Variants in LILRB2 observed in about 807,000 individuals in gnomAD.
LILRB2 encodes the protein leukocyte immunoglobulin-like receptor subfamily B member 2.
In LILRB2, 47 loss-of-function variants were observed where a neutral mutation model predicts 72.7. That is an observed-to-expected ratio of 0.65 (90% confidence interval 0.51 to 0.82). LILRB2 has a LOEUF of 0.82. LILRB2 is among the 40% of genes least tolerant of loss of function. The probability of loss-of-function intolerance (pLI) is 0.00; values close to 1 mark genes in which losing one functional copy is unlikely to be tolerated. For synonymous variants in LILRB2, 279 were observed against 313.7 expected, an observed-to-expected ratio of 0.89 and a Z score of 1.17; for missense variants, 767 against 764.8, an observed-to-expected ratio of 1.00 and a Z score of -0.03.
At chr19:54,275,763 A>T (rs1342406941) in intron 13 of LILRB2, 188 bp downstream of exon 13, 1 of 806,802 alleles carries the variant, frequency 1.2e-6, no homozygotes, top group African/African-American at 1.7e-5. Flanking sequence ...GGGACCCGGG[A>T]GGAGGCCCAC....
Position 54,279,497 on chromosome 19 carries a change from G to A in LILRB2, c.506C>T (p.Ser169Phe). 6.2e-7 allele frequency: 1 copy of A among 1,614,170 alleles called. No individual in the cohort carries two copies. The change falls in exon 5 of 14, where the codon TCC becomes TTC. Residue 169 changes from serine to phenylalanine, a missense_variant. Coordinates refer to ENST00000314446, the MANE Select transcript of LILRB2 (RefSeq NM_001080978.4). ...GGACGACCCACGGGCATGGGGCTGG[G>A]AGTTCAGGCATTGTGGGTGTTCATC... is the stretch of plus-strand genomic sequence containing the variant. ...GEDEHPQCLN[S>F]QPHARGSSRA...
intron 2 of LILRB2, 66 bp downstream of exon 2, chr19:54,280,397 C>T: frequency 3.7e-6 from 6 of 1,614,082 alleles, no homozygotes; most frequent in South Asian, 2.2e-5. Context: ...TCCTTAGGGA[C>T]CAGAGTTTGG....
intron 7 of LILRB2, 126 bp from the exon 8 acceptor site, chr19:54,278,065 C>G: frequency 9.1e-7 from 1 of 1,102,850 alleles, no homozygotes; most frequent in Non-Finnish European, 1.3e-6. Flanking sequence ...CTCTCCTGTC[C>G]ATGATGCTGG....
chr19:54,278,152 G>A, intron 7 of LILRB2, 108 bp downstream of exon 7: 1 of 1,458,190 alleles, frequency 6.9e-7, no homozygotes. Context: ...CCCACTGGCT[G>A]AGCCCCGCTC....
In LILRB2 at chr19:54,279,052, C is replaced by G. The variant is rs746485626; in HGVS notation, c.715G>C (p.Glu239Gln). ...VQPGPVMAPG[E>Q]SLTLQCVSDV... The stretch of plus-strand genomic sequence containing the variant: ...GAGACACACTGGAGGGTCAGGCTTT[C>G]CCCAGGGGCCATGACAGGACCCGGC... Residue 239 changes from glutamate (E) to glutamine (Q), a missense_variant, in exon 6 of 14, where the codon GAA becomes CAA. Glu to Gln is a conservative substitution (Grantham distance 29). Coordinates refer to ENST00000314446, the MANE Select transcript of LILRB2 (RefSeq NM_001080978.4). The G allele has an allele frequency of 1.2e-6, 2 of 1,614,066 alleles. No individual in the cohort carries two copies. The highest frequency in any genetic ancestry group is 2.7e-5 in the African/African-American group (2 of 74,948).
rs533505132 is a variant in LILRB2 at position 54,276,348 on chromosome 19, A to G, written c.1556+33T>C. On this transcript the variant is annotated intron_variant, in intron 11 of 13. Coordinates refer to ENST00000314446, the MANE Select transcript of LILRB2 (RefSeq NM_001080978.4). Reference sequence around the variant, plus strand: ...TAGGGGCAGTGTATGGGCCACGAGCAGGTGGGAGTCTGGGGTCTTCGGGCA... The same window carrying G: ...TAGGGGCAGTGTATGGGCCACGAGCGGGTGGGAGTCTGGGGTCTTCGGGCA... The G allele has an allele frequency of 5.1e-3, 8,249 of 1,611,690 alleles. 260 individuals are homozygous for G. In the South Asian group the frequency reaches 0.065, roughly 13 times the overall value.
In LILRB2 at chr19:54,276,368, C is replaced by A; in HGVS notation, c.1556+13G>T. On this transcript the variant is annotated intron_variant, in intron 11 of 13. Coordinates refer to ENST00000314446, the MANE Select transcript of LILRB2 (RefSeq NM_001080978.4). ...CGAGCAGGTGGGAGTCTGGGGTCTT[C>A]GGGCAGAATTACCTCCACTGCAGGC... 1 of 1,607,932 alleles carries A rather than the reference C, an allele frequency of 6.2e-7. No homozygotes were observed. Among genetic ancestry groups the A allele is most frequent in the Non-Finnish European group, 8.5e-7 (1 of 1,175,088 alleles).
Position 54,279,451 on chromosome 19 carries a change from G to T in LILRB2, c.552C>A (p.Gly184=). Residue 184 remains glycine, a synonymous_variant, in exon 5 of 14, where the codon GGC becomes GGA. Coordinates refer to ENST00000314446, the MANE Select transcript of LILRB2 (RefSeq NM_001080978.4). ...RGSSRAIFSV[G]PVSPNRRWSH... ...ACCACCTGCGATTCGGGCTCACGGG[G>T]CCCACGGAGAAGATGGCGCGGGACG... 6.2e-7 allele frequency: 1 copy of T among 1,614,190 alleles called. No homozygotes were observed. Among genetic ancestry groups the T allele is most frequent in the East Asian group, 2.2e-5 (1 of 44,880 alleles).
intron 8 of LILRB2, 34 bp downstream of exon 8, chr19:54,277,855 C>A (rs376375213): frequency 1.3e-6 from 2 of 1,519,666 alleles, no homozygotes; most frequent in African/African-American, 2.8e-5. Flanking sequence ...GGGGTCGCTG[C>A]GCTCCCTTCG....
rs755209676 is a variant in LILRB2 at position 54,276,900 on chromosome 19, C to A, written c.1387G>T (p.Gly463Cys). ...GLGRHLGVVI[G>C]ILVAVVLLLL... ...AGTAGGACGACGGCCACCAAGATGCCGATCACAACCCCCAGGTGCCTTCCC... is the reference window on the plus strand; with the variant it reads ...AGTAGGACGACGGCCACCAAGATGCAGATCACAACCCCCAGGTGCCTTCCC... Residue 463 changes from glycine (G) to cysteine (C), a missense_variant, in exon 10 of 14, where the codon GGC (glycine) becomes TGC (cysteine). Physicochemically the swap from Gly to Cys is radical, Grantham distance 159. Transcript: ENST00000314446. 19 of 1,613,846 alleles carry A rather than the reference C, an allele frequency of 1.2e-5. No homozygotes were observed. The African/African-American group carries it at 2.4e-4, about 20-fold the overall frequency.
At position 54,278,874 on chromosome 19, in the gene LILRB2, C is replaced by A; in HGVS notation, c.893G>T (p.Gly298Val). ...RSYGGQYRCYGAHNLSSECSA... is the reference protein window; with the variant it reads ...RSYGGQYRCYVAHNLSSECSA... The stretch of plus-strand genomic sequence containing the variant: ...GCACTCAGAGGAGAGGTTGTGTGCA[C>A]CGTAGCATCTGTACTGGCCCCCGTA... Residue 298 changes from glycine (G) to valine (V), a missense_variant, in exon 6 of 14, where the codon GGT becomes GTT. Transcript: ENST00000314446. 1 of 1,614,032 alleles carries A rather than the reference C, an allele frequency of 6.2e-7. No individual in the cohort carries two copies. The highest frequency in any genetic ancestry group is 1.1e-5 in the South Asian group (1 of 91,084).
Position 54,280,286 on chromosome 19 carries a change from G to T in LILRB2, c.48C>A (p.Gly16=), listed in dbSNP as rs1316658558. 1 of 1,614,074 alleles carries T rather than the reference G, an allele frequency of 6.2e-7. No homozygotes were observed. The highest frequency in any genetic ancestry group is 2.2e-5 in the East Asian group (1 of 44,874). ...TVLICLGLSL[G]PRTRVQTGTI... is the part of the protein sequence containing the mutation. ...CACCTGTCTGCACGCGGGTCCTGGG[G>T]CCCAGACTCAGCCCTGGAAGAGAGT... is the stretch of plus-strand genomic sequence containing the variant. Residue 16 remains glycine (G), a synonymous_variant, in exon 3 of 14, where the codon GGC becomes GGA. Transcript: ENST00000314446.
intron 13 of LILRB2, 98 bp downstream of exon 13, chr19:54,275,853 C>A: frequency 6.8e-7 from 1 of 1,473,924 alleles, no homozygotes; most frequent in Non-Finnish European, 9.5e-7. Context: ...TCCACCGTGA[C>A]GATGCTGAGA....
rs369217602 is a variant in LILRB2, at chr19:54,274,765, C to A, written c.1712G>T (p.Arg571Leu). ...GGATGGAGGAGGCTCAGTTGCCTTCCGTCTGAGGGTCAAGCTGTGCAGCTG... is the reference window on the plus strand; with the variant it reads ...GGATGGAGGAGGCTCAGTTGCCTTCAGTCTGAGGGTCAAGCTGTGCAGCTG... ...YAQLHSLTLR[R>L]KATEPPPSQE... The change falls in exon 14 of 14, where the codon CGG (arginine) becomes CTG (leucine). Residue 571 changes from arginine (R) to leucine (L), a missense_variant. Physicochemically the swap from Arg to Leu is moderately radical, Grantham distance 102. Coordinates refer to ENST00000314446, the MANE Select transcript of LILRB2 (RefSeq NM_001080978.4). 6.2e-7 allele frequency: 1 copy of A among 1,612,600 alleles called. No homozygotes were observed. The highest frequency in any genetic ancestry group is 1.3e-5 in the African/African-American group (1 of 74,530).
intron 12 of LILRB2, 81 bp downstream of exon 12, chr19:54,276,183 C>T (rs2080212098): frequency 6.2e-7 from 1 of 1,601,660 alleles, no homozygotes; most frequent in Admixed American, 1.7e-5. Flanking sequence ...CCCTTTCCAG[C>T]CGGTGCCCCT....
At chr19:54,275,683 C>G in intron 13 of LILRB2, 1 of 606,214 alleles carries the variant, frequency 1.6e-6, no homozygotes, top group Non-Finnish European at 3.2e-6. Context: ...TTCATTTATT[C>G]CTCATCCTCC....
At position 54,279,064 on chromosome 19, in the gene LILRB2, T is replaced by G. The variant is rs386056; in HGVS notation, c.703A>C (p.Met235Leu). The G allele has an allele frequency of 6.2e-7, 1 of 1,612,500 alleles. No individual in the cohort carries two copies. Among genetic ancestry groups the G allele is most frequent in the Admixed American group, 1.7e-5 (1 of 59,904 alleles). ...PSLSVQPGPV[M>L]APGESLTLQC... is the part of the protein sequence containing the mutation. ...AGGGTCAGGCTTTCCCCAGGGGCCATGACAGGACCCGGCTGCACTGAGAGT... is the reference window on the plus strand; with the variant it reads ...AGGGTCAGGCTTTCCCCAGGGGCCAGGACAGGACCCGGCTGCACTGAGAGT... Residue 235 changes from methionine (M) to leucine (L), a missense_variant, in exon 6 of 14, where the codon ATG (methionine) becomes CTG (leucine). Met to Leu is a conservative substitution (Grantham distance 15). Coordinates refer to ENST00000314446, the MANE Select transcript of LILRB2 (RefSeq NM_001080978.4).
chr19:54,275,015 G>A, intron 13 of LILRB2, 186 bp from the exon 14 acceptor site: 2 of 1,608,668 alleles, frequency 1.2e-6, no homozygotes, highest in Non-Finnish European at 8.5e-7. Context: ...GGTCTGGAGT[G>A]TTTCACCGGG....
In LILRB2 at chr19:54,280,306, G is replaced by T; in HGVS notation, c.35-7C>A. On this transcript the variant is annotated splice_region_variant and splice_polypyrimidine_tract_variant and intron_variant, in intron 2 of 13. Transcript: ENST00000314446. Reference sequence around the variant, plus strand: ...CTGGGGCCCAGACTCAGCCCTGGAAGAGAGTTCCCTGTGAGGGATTTGCCC... The same window carrying T: ...CTGGGGCCCAGACTCAGCCCTGGAATAGAGTTCCCTGTGAGGGATTTGCCC... 1 of 1,614,178 alleles carries T rather than the reference G, an allele frequency of 6.2e-7. No homozygotes were observed. Among genetic ancestry groups the T allele is most frequent in the Non-Finnish European group, 8.5e-7 (1 of 1,180,012 alleles).
Sources: allele counts gnomAD v4.1 joint callset, GRCh38; gene constraint gnomAD v4.1.1; transcripts MANE v1.5; gene names NCBI Gene and HGNC (gene_info 2026-07-23, HGNC 2026-07-21).